The following SORCS2 variants were observed in gnomAD, a reference collection of about 807,000 sequenced individuals.
The protein encoded by SORCS2 is VPS10 domain-containing receptor SorCS2.
In SORCS2, 100 loss-of-function variants were observed where a neutral mutation model predicts 141.6. The ratio of observed to expected loss-of-function variants is 0.71; its 90% CI spans 0.60 to 0.83. The LOEUF is 0.83. SORCS2 is among the 40% of genes least tolerant of loss of function. SORCS2 has a pLI of 0.00. For missense variants in SORCS2, 1,646 were observed against 1,560.2 expected (o/e 1.05, Z -0.93); for synonymous variants, 789 against 676.9 (o/e 1.17, Z -2.57).
chr4:7,732,607 C>A (rs949791111), intron 23 of SORCS2, among the ~76,000 whole-genome samples: 17 of 152,128 alleles, frequency 1.1e-4, no homozygotes, highest in Admixed American at 5.2e-4. Context: ...GGGTCTGATT[C>A]TCCTGTCCTG....
At chr4:7,366,067 C>G (rs370841366) in intron 1 of SORCS2, among the ~76,000 whole-genome samples, 1 of 152,150 alleles carries the variant, frequency 6.6e-6, no homozygotes, top group East Asian at 1.9e-4. Flanking sequence ...CACCTCAGTT[C>G]TGTGCCAGAG....
Position 7,420,868 on chromosome 4 carries a change from T to C in SORCS2, c.548+24513T>C, listed in dbSNP as rs1393922961. Among the ~76,000 whole-genome samples the C allele has an allele frequency of 2.0e-5, 3 of 152,148 alleles. No homozygotes were observed. The East Asian group carries it at 5.8e-4, about 29-fold the overall frequency. On this transcript the variant is annotated intron_variant, in intron 2 of 26. Coordinates refer to ENST00000507866, the MANE Select transcript of SORCS2 (RefSeq NM_020777.3). ...TGCTTGATGCCACTCAAAGCTTAAGTAGGTTCTCGGCTTGGCGCGGAGCCT... is the reference window on the plus strand; with the variant it reads ...TGCTTGATGCCACTCAAAGCTTAAGCAGGTTCTCGGCTTGGCGCGGAGCCT...
chr4:7,479,878 G>C (rs1212357951), intron 2 of SORCS2, among the ~76,000 whole-genome samples: 2 of 152,266 alleles, frequency 1.3e-5, no homozygotes, highest in Non-Finnish European at 1.5e-5. Context: ...CGTGTGCTCT[G>C]TTAGGACTGG....
chr4:7,387,994 G>T (rs1291072895), intron 1 of SORCS2, among the ~76,000 whole-genome samples: 5 of 69,728 alleles, frequency 7.2e-5, no homozygotes, highest in Non-Finnish European at 1.1e-4. Context: ...ATGCACACAT[G>T]CACACACATG....
At chr4:7,366,493 A>G (rs1220098756) in intron 1 of SORCS2, among the ~76,000 whole-genome samples, 13 of 51,872 alleles carry the variant, frequency 2.5e-4, no homozygotes, top group Admixed American at 4.4e-4. Flanking sequence ...CTCTCCCCCA[A>G]CACTCCTCCA....
In SORCS2 at chr4:7,627,610, A is replaced by G. The variant is rs936951291; in HGVS notation, c.649-10718A>G. ...TTATTTGAGGGGCAAAGCTCTCATT[A>G]ACTCATAATGTGCCTCTGTTGGCTG... On this transcript the variant is annotated intron_variant, in intron 3 of 26. Coordinates refer to ENST00000507866, the MANE Select transcript of SORCS2 (RefSeq NM_020777.3). 4.6e-5 allele frequency among the ~76,000 whole-genome samples: 7 copies of G among 152,306 alleles called. No individual in the cohort carries two copies. In the East Asian group the frequency reaches 1.2e-3, roughly 25 times the overall value.
chr4:7,362,765 C>T (rs1439185894), intron 1 of SORCS2, among the ~76,000 whole-genome samples: 5 of 151,762 alleles, frequency 3.3e-5, no homozygotes, highest in African/African-American at 1.2e-4. Context: ...CCACCTCCAC[C>T]GTCATTACTA....
chr4:7,702,942 T>C (rs1380595086), intron 12 of SORCS2, among the ~76,000 whole-genome samples: 1 of 152,186 alleles, frequency 6.6e-6, no homozygotes, highest in East Asian at 1.9e-4. Flanking sequence ...CGTAAATATT[T>C]TTCTGTTTCT....
At chr4:7,676,824 T>TCTCCCTCC (rs1553902878) in intron 9 of SORCS2, among the ~76,000 whole-genome samples, 19 of 49,102 alleles carry the variant, frequency 3.9e-4, no homozygotes, top group Non-Finnish European at 6.6e-4. Flanking sequence ...TCTCTCTCTC[T>TCTCCCTCC]CTCTCCCTCT....
chr4:7,223,876 T>G (rs369054065), intron 1 of SORCS2, among the ~76,000 whole-genome samples: 107,087 of 151,912 alleles, frequency 0.7, 37,755 homozygotes, highest in East Asian at 0.75. Flanking sequence ...AAGTGGCTGT[T>G]AAGTGCTGTT....
At chr4:7,488,741 C>T (rs146321365) in intron 2 of SORCS2, among the ~76,000 whole-genome samples, 10 of 152,340 alleles carry the variant, frequency 6.6e-5, no homozygotes, top group African/African-American at 1.4e-4. Flanking sequence ...CAGACATGGC[C>T]GCCCTATTGT....
chr4:7,658,170 A>T (rs529280856), intron 5 of SORCS2, among the ~76,000 whole-genome samples: 1 of 152,102 alleles, frequency 6.6e-6, no homozygotes, highest in South Asian at 2.1e-4. Context: ...TGGGTGAGTG[A>T]GTGAGTCTGT....
chr4:7,515,953 A>T (rs182549661), intron 2 of SORCS2, among the ~76,000 whole-genome samples: 1 of 152,174 alleles, frequency 6.6e-6, no homozygotes, highest in African/African-American at 2.4e-5. Flanking sequence ...GAGGGGTCCA[A>T]TGGAGGCCCA....
chr4:7,234,558 G>T (rs1231404218), intron 1 of SORCS2, among the ~76,000 whole-genome samples: 1 of 152,248 alleles, frequency 6.6e-6, no homozygotes, highest in Non-Finnish European at 1.5e-5. Flanking sequence ...GGAGGCTGAT[G>T]CTCTCGCCCT....
chr4:7,700,671 G>A (rs1014572943), intron 12 of SORCS2, among the ~76,000 whole-genome samples: 12 of 152,226 alleles, frequency 7.9e-5, no homozygotes, highest in African/African-American at 2.7e-4. Flanking sequence ...TTAGGACAGA[G>A]GATCCCGGCA....
At chr4:7,555,365 C>G (rs1714031940) in intron 3 of SORCS2, among the ~76,000 whole-genome samples, 1 of 152,254 alleles carries the variant, frequency 6.6e-6, no homozygotes, top group Non-Finnish European at 1.5e-5. Flanking sequence ...AAAGACACCC[C>G]CAGCCATGGT....
intron 1 of SORCS2, among the ~76,000 whole-genome samples, chr4:7,313,377 C>T (rs549514065): frequency 9.2e-5 from 14 of 152,320 alleles, no homozygotes; most frequent in African/African-American, 3.1e-4. Context: ...AAGCCCTCAC[C>T]GTCTGGGGGA....
At chr4:7,468,805 CG>C (rs1729784077) in intron 2 of SORCS2, among the ~76,000 whole-genome samples, 1 of 152,156 alleles carries the variant, frequency 6.6e-6, no homozygotes, top group Non-Finnish European at 1.5e-5. Flanking sequence ...CTCTGACATT[CG>C]GGGGTTTGGG....
chr4:7,671,685 G>A (rs2108940316), intron 8 of SORCS2, among the ~76,000 whole-genome samples: 1 of 152,266 alleles, frequency 6.6e-6, no homozygotes, highest in South Asian at 2.1e-4. Flanking sequence ...AATAAGGATT[G>A]AAAGTGAACG....
Sources: gnomAD v4.1 joint callset for allele counts (sites outside exome capture counted in the v4.1 genomes callset) on GRCh38, gnomAD v4.1.1 for gene constraint, MANE v1.5 for transcripts, NCBI Gene and HGNC (gene_info 2026-07-23, HGNC 2026-07-21) for gene names.